The following CDC42BPA variants were observed in gnomAD, a reference collection of about 807,000 sequenced individuals.
CDC42BPA encodes the protein CDC42 binding protein kinase alpha, also known as serine/threonine-protein kinase MRCK alpha.
CDC42BPA carries 80 observed loss-of-function variants against 223.5 expected under a neutral mutation model. That is an observed-to-expected ratio of 0.36 (90% CI 0.30 to 0.43). CDC42BPA has a LOEUF of 0.43. Ranked by LOEUF, CDC42BPA falls within the 20% of genes least tolerant of loss-of-function variation. The probability of loss-of-function intolerance (pLI) is 1.00; values close to 1 mark genes in which losing one functional copy is unlikely to be tolerated. For missense variants in CDC42BPA, 1,743 were observed against 2,099.9 expected, an observed-to-expected ratio of 0.83 and a Z score of 3.32; for synonymous variants, 694 against 718.6, an observed-to-expected ratio of 0.97 and a Z score of 0.55.
At chr1:227,037,813 T>A (rs1670556492) in intron 24 of CDC42BPA, among the ~76,000 whole-genome samples, 1 of 152,210 alleles carries the variant, frequency 6.6e-6, no homozygotes, top group African/African-American at 2.4e-5. Context: ...ATTTAAAATT[T>A]TCTTTTGCAC....
At chr1:227,213,451 C>T (rs896950709) in intron 2 of CDC42BPA, among the ~76,000 whole-genome samples, 10 of 152,124 alleles carry the variant, frequency 6.6e-5, no homozygotes, top group African/African-American at 2.4e-4. Context: ...TTTGTGAACG[C>T]TGTATTAGTT....
intron 21 of CDC42BPA, among the ~76,000 whole-genome samples, chr1:227,055,680 T>C (rs954159512): frequency 2.6e-5 from 4 of 152,120 alleles, no homozygotes; most frequent in African/African-American, 9.7e-5. Flanking sequence ...TAAAATACTA[T>C]AGCATTAAGT....
intron 16 of CDC42BPA, among the ~76,000 whole-genome samples, chr1:227,084,561 A>G (rs1472819207): frequency 2.0e-5 from 3 of 151,948 alleles, no homozygotes; most frequent in Non-Finnish European, 4.4e-5. Flanking sequence ...TTTTCATGAA[A>G]AAATATTTGC....
At chr1:227,228,002 G>A (rs1203616975) in intron 2 of CDC42BPA, among the ~76,000 whole-genome samples, 1 of 151,972 alleles carries the variant, frequency 6.6e-6, no homozygotes, top group Non-Finnish European at 1.5e-5. Flanking sequence ...TTGTTCTATT[G>A]GCTAACAGGA....
chr1:227,107,336 C>T (rs1400937655), intron 14 of CDC42BPA, among the ~76,000 whole-genome samples: 1 of 152,152 alleles, frequency 6.6e-6, no homozygotes, highest in Non-Finnish European at 1.5e-5. Context: ...GCAGACTGTT[C>T]GTGCTGCCTT....
chr1:227,229,028 A>C (rs1016442291), intron 2 of CDC42BPA, among the ~76,000 whole-genome samples: 3 of 152,064 alleles, frequency 2.0e-5, no homozygotes, highest in African/African-American at 7.3e-5. Context: ...AACTCTGATG[A>C]AATCTTATTT....
At chr1:227,100,712 TA>T (rs1338136111) in intron 15 of CDC42BPA, among the ~76,000 whole-genome samples, 42 of 137,404 alleles carry the variant, frequency 3.1e-4, no homozygotes, top group Admixed American at 1.2e-3. Context: ...GCTCAGATTA[TA>T]GGTGTGTGTG....
intron 1 of CDC42BPA, among the ~76,000 whole-genome samples, chr1:227,307,173 G>A (rs1692703678): frequency 1.3e-5 from 2 of 152,136 alleles, no homozygotes; most frequent in East Asian, 1.9e-4. Flanking sequence ...ACTCCTCGAA[G>A]TCATGTATCA....
At chr1:227,278,638 C>G (rs774888542) in intron 1 of CDC42BPA, among the ~76,000 whole-genome samples, 2 of 152,080 alleles carry the variant, frequency 1.3e-5, no homozygotes, top group Non-Finnish European at 2.9e-5. Flanking sequence ...AGAAGTAAAC[C>G]ATACTCCAAA....
chr1:227,218,467 A>G (rs569480400), intron 2 of CDC42BPA, among the ~76,000 whole-genome samples: 2 of 152,366 alleles, frequency 1.3e-5, no homozygotes, highest in South Asian at 4.1e-4. Context: ...TGGGCTAAGC[A>G]TATTACATAT....
chr1:227,011,010 C>G (rs145540185), intron 34 of CDC42BPA: 2 of 1,360,180 alleles, frequency 1.5e-6, no homozygotes, highest in East Asian at 4.6e-5. Flanking sequence ...CAAAGTTGAT[C>G]GGAGAGGAGA....
intron 16 of CDC42BPA, among the ~76,000 whole-genome samples, chr1:227,088,899 T>C (rs1206987116): frequency 6.6e-6 from 1 of 152,090 alleles, no homozygotes; most frequent in Non-Finnish European, 1.5e-5. Flanking sequence ...TTAATTTTTG[T>C]ATTTTTAGTA....
At chr1:227,057,383 A>G (rs1674806713) in intron 21 of CDC42BPA, among the ~76,000 whole-genome samples, 1 of 152,144 alleles carries the variant, frequency 6.6e-6, no homozygotes, top group Non-Finnish European at 1.5e-5. Context: ...TAAATTTATT[A>G]AAATACTGCA....
chr1:227,249,031 A>T (rs1432160674), intron 2 of CDC42BPA, among the ~76,000 whole-genome samples: 2 of 152,236 alleles, frequency 1.3e-5, no homozygotes, highest in Non-Finnish European at 2.9e-5. Context: ...CCTGACTTCA[A>T]ATGATACTAC....
intron 2 of CDC42BPA, among the ~76,000 whole-genome samples, chr1:227,239,281 AACAG>A (rs1209242977): frequency 1.3e-5 from 2 of 152,168 alleles, no homozygotes; most frequent in East Asian, 1.9e-4. Flanking sequence ...GAAATGAATA[AACAG>A]ACAGAGCACA....
chr1:227,090,292 T>A (rs191068240), intron 16 of CDC42BPA, among the ~76,000 whole-genome samples: 1 of 152,314 alleles, frequency 6.6e-6, no homozygotes, highest in Admixed American at 6.5e-5. Context: ...TTTTAAATGC[T>A]GAATAATCAT....
chr1:227,228,647 AG>A (rs1251863540), intron 2 of CDC42BPA, among the ~76,000 whole-genome samples: 1 of 149,738 alleles, frequency 6.7e-6, no homozygotes, highest in Non-Finnish European at 1.5e-5. Flanking sequence ...ACATTCTACC[AG>A]CAATGCATAA....
intron 4 of CDC42BPA, among the ~76,000 whole-genome samples, chr1:227,194,817 ATGT>A (rs1261052379): frequency 6.6e-6 from 1 of 152,216 alleles, no homozygotes; most frequent in East Asian, 1.9e-4. Flanking sequence ...TACTGACTCC[ATGT>A]TGTAAGTGGA....
intron 1 of CDC42BPA, chr1:227,264,826 T>C (rs2148403425): frequency 6.7e-7 from 1 of 1,492,886 alleles, no homozygotes; most frequent in Non-Finnish European, 9.3e-7. Context: ...TTTTTGGAAT[T>C]GTGTATGCCA....
Sources: gnomAD v4.1 joint callset for allele counts (sites outside exome capture counted in the v4.1 genomes callset) on GRCh38, gnomAD v4.1.1 for gene constraint, MANE v1.5 for transcripts, NCBI Gene and HGNC (gene_info 2026-07-23, HGNC 2026-07-21) for gene names.